The following PCDHA6 variants were observed in gnomAD, a reference collection of about 807,000 sequenced individuals.
PCDHA6 encodes the protein protocadherin alpha 6.
In PCDHA6, 55 loss-of-function variants were observed where a neutral mutation model predicts 60.3. The observed-to-expected ratio is 0.91, with a 90% CI of 0.73 to 1.14. The LOEUF (loss-of-function observed/expected upper bound fraction) is 1.14. Ranked by LOEUF, PCDHA6 falls within the 50% of genes most tolerant of loss-of-function variation. The probability of loss-of-function intolerance (pLI) is 0.00; values close to 1 mark genes in which losing one functional copy is unlikely to be tolerated. For synonymous variants in PCDHA6, 652 were observed against 557.9 expected (o/e 1.17, Z -2.38); for missense variants, 1,327 against 1,256.5 (o/e 1.06, Z -0.85).
intron 1 of PCDHA6, chr5:140,882,792 A>C (rs367665995): frequency 6.2e-7 from 1 of 1,614,144 alleles, no homozygotes; most frequent in Non-Finnish European, 8.5e-7. Flanking sequence ...CTGGATCCCA[A>C]CGATTATTTC....
At position 140,856,290 on chromosome 5, in the gene PCDHA6, G is replaced by A. The variant is rs143002904; in HGVS notation, c.2394+25805G>A. 7.5e-3 allele frequency: 12,003 copies of A among 1,598,482 alleles called. 1,113 individuals are homozygous for A. The highest frequency in any genetic ancestry group is 7.4e-3 in the Non-Finnish European group (8,655 of 1,168,072). On this transcript the variant is annotated intron_variant, in intron 1 of 3. Coordinates refer to ENST00000529310, the MANE Select transcript of PCDHA6 (RefSeq NM_018909.4). ...CTTCTGGAGGTAAATCTGCAGAATG[G>A]CATTTTGTTTGTGAATTCTCGGATT...
rs782194525 is a variant in PCDHA6 at position 140,927,807 on chromosome 5, C to T, written c.2395-51142C>T. The T allele has an allele frequency of 8.7e-6, 14 of 1,614,088 alleles. No homozygotes were observed. In the African/African-American group the frequency reaches 1.3e-4, roughly 15 times the overall value. Reference sequence around the variant, plus strand: ...CTTCACTAGGTCCGCCTGAAACGCTCTTGGAGGCATACATTGAGGCGAGGG... The same window carrying T: ...CTTCACTAGGTCCGCCTGAAACGCTTTTGGAGGCATACATTGAGGCGAGGG... On this transcript the variant is annotated intron_variant, in intron 1 of 3. Coordinates refer to ENST00000529310, the MANE Select transcript of PCDHA6 (RefSeq NM_018909.4).
At chr5:140,874,713 T>C (rs976044407) in intron 1 of PCDHA6, among the ~76,000 whole-genome samples, 2 of 152,248 alleles carry the variant, frequency 1.3e-5, no homozygotes, top group Non-Finnish European at 1.5e-5. Context: ...AGAGCAGTTA[T>C]GTGAAAAGTT....
At chr5:140,881,388 G>A (rs2058697659) in intron 1 of PCDHA6, 1 of 983,292 alleles carries the variant, frequency 1.0e-6, no homozygotes, top group Non-Finnish European at 1.2e-6. Context: ...GCGGCGGTAA[G>A]TTAAATTCTA....
At chr5:140,928,691 T>C (rs1554206164) in intron 1 of PCDHA6, 1 of 1,614,148 alleles carries the variant, frequency 6.2e-7, no homozygotes, top group East Asian at 2.2e-5. Context: ...TCCTACCACA[T>C]CTCCCGGGCG....
At position 141,009,800 on chromosome 5, in the gene PCDHA6, A is replaced by G. The variant is rs148436868; in HGVS notation, c.2716A>G (p.Ser906Gly). The stretch of plus-strand genomic sequence containing the variant: ...CTCCATCCGGCAGGAGCCTACTAAC[A>G]GCCAAATTGACAAAAGTGACTTCAT... ...IISIRQEPTN[S>G]QIDKSDFITF... The change falls in exon 4 of 4, where the codon AGC (serine) becomes GGC (glycine). Residue 906 changes from serine to glycine, a missense_variant. By Grantham distance (56) the Ser-to-Gly change is moderately conservative (BLOSUM62 0). Coordinates refer to ENST00000529310, the MANE Select transcript of PCDHA6 (RefSeq NM_018909.4). 1.2e-4 allele frequency: 190 copies of G among 1,614,158 alleles called. No individual in the cohort carries two copies. In the African/African-American group the frequency reaches 2.3e-3, roughly 19 times the overall value.
chr5:140,961,887 G>GTT (rs35680913), intron 1 of PCDHA6, among the ~76,000 whole-genome samples: 78 of 143,932 alleles, frequency 5.4e-4, no homozygotes, highest in African/African-American at 1.2e-3. Flanking sequence ...ACTTACATCA[G>GTT]TTTTTTTTTT....
chr5:140,828,526 T>C lies in PCDHA6; in HGVS notation c.435T>C (p.Ser145=). 2.5e-6 allele frequency: 4 copies of C among 1,614,226 alleles called. No individual in the cohort carries two copies. Among genetic ancestry groups the C allele is most frequent in the Non-Finnish European group, 3.4e-6 (4 of 1,180,022 alleles). ...VEEQRVLIYE[S]RLPDSVFPLE... is the part of the protein sequence containing the mutation. Reference sequence around the variant, plus strand: ...AACAAAGAGTGCTGATTTACGAATCTAGGCTGCCAGATTCTGTGTTTCCAC... The same window carrying C: ...AACAAAGAGTGCTGATTTACGAATCCAGGCTGCCAGATTCTGTGTTTCCAC... Residue 145 remains serine (S), a synonymous_variant, in exon 1 of 4, where the codon TCT becomes TCC. Transcript: ENST00000529310.
intron 1 of PCDHA6, among the ~76,000 whole-genome samples, chr5:140,954,551 T>C (rs2095055563): frequency 6.6e-6 from 1 of 152,250 alleles, no homozygotes; most frequent in South Asian, 2.1e-4. Context: ...ATATGTTTGT[T>C]GGCTGCATGA....
intron 1 of PCDHA6, among the ~76,000 whole-genome samples, chr5:140,946,591 A>C (rs972556402): frequency 5.0e-5 from 6 of 119,488 alleles, no homozygotes; most frequent in African/African-American, 2.1e-4. Context: ...ATAGTGGATG[A>C]ATAGATAAAG....
Position 140,829,369 on chromosome 5 carries a change from C to G in PCDHA6, c.1278C>G (p.Thr426=). The part of the protein sequence containing the change: ...ESVSAYELVV[T]ARDGGSPSLW... ...TGTCGGCCTATGAGTTGGTGGTAACCGCGCGGGACGGGGGCTCGCCTTCGC... is the reference window on the plus strand; with the variant it reads ...TGTCGGCCTATGAGTTGGTGGTAACGGCGCGGGACGGGGGCTCGCCTTCGC... Residue 426 remains threonine (T), a synonymous_variant, in exon 1 of 4, where the codon ACC becomes ACG. Transcript: ENST00000529310. 6.2e-7 allele frequency: 1 copy of G among 1,614,202 alleles called. No homozygotes were observed. Among genetic ancestry groups the G allele is most frequent in the Non-Finnish European group, 8.5e-7 (1 of 1,180,048 alleles).
At chr5:140,888,198 G>A (rs1031899783) in intron 1 of PCDHA6, among the ~76,000 whole-genome samples, 2 of 152,044 alleles carry the variant, frequency 1.3e-5, no homozygotes, top group Admixed American at 6.6e-5. Flanking sequence ...TTACATTGTC[G>A]GATGCTGGAT....
At chr5:140,898,597 G>C (rs1452719602) in intron 1 of PCDHA6, among the ~76,000 whole-genome samples, 12 of 152,188 alleles carry the variant, frequency 7.9e-5, no homozygotes, top group Admixed American at 1.3e-4. Context: ...CTGTAGCCTT[G>C]TAGTATAGTT....
chr5:140,829,547 G>A lies in PCDHA6; in HGVS notation c.1456G>A (p.Glu486Lys), dbSNP rs2150169792. The A allele has an allele frequency of 2.5e-6, 4 of 1,612,860 alleles. No individual in the cohort carries two copies. Among genetic ancestry groups the A allele is most frequent in the African/African-American group, 1.3e-5 (1 of 74,914 alleles). Residue 486 changes from glutamate (E) to lysine (K), a missense_variant, in exon 1 of 4, where the codon GAG becomes AAG. By Grantham distance (56) the Glu-to-Lys change is moderately conservative (BLOSUM62 1). Coordinates refer to ENST00000529310, the MANE Select transcript of PCDHA6 (RefSeq NM_018909.4). ...GTCTGCGCGAGACGCGGACGCGCAG[G>A]AGAACGCGCTGGTGTCCTACTCGCT... Reference protein sequence around the residue: ...TVSARDADAQENALVSYSLVE... With the variant: ...TVSARDADAQKNALVSYSLVE...
At position 140,851,351 on chromosome 5, in the gene PCDHA6, G is replaced by A. The variant is rs2042034892; in HGVS notation, c.2394+20866G>A. ...GTAGTTCTCTACATTTCTCTGGATG[G>A]AGACTGTGAACATCTGATTGTTCAG... is the stretch of plus-strand genomic sequence containing the variant. On this transcript the variant is annotated intron_variant, in intron 1 of 3. Coordinates refer to ENST00000529310, the MANE Select transcript of PCDHA6 (RefSeq NM_018909.4). The A allele has an allele frequency of 7.2e-6, 7 of 975,904 alleles. 1 individual carries two copies. Among genetic ancestry groups the A allele is most frequent in the Non-Finnish European group, 8.7e-6 (7 of 803,048 alleles). The allele number at this position is 975,904 out of a possible 1,614,324, so 60.5% of individuals were successfully genotyped here. A position where few individuals can be genotyped will look rare whatever the true frequency, so the allele number is the denominator to read the frequency against.
intron 3 of PCDHA6, among the ~76,000 whole-genome samples, chr5:141,003,475 G>A (rs934289848): frequency 2.0e-5 from 3 of 151,932 alleles, no homozygotes; most frequent in Non-Finnish European, 2.9e-5. Flanking sequence ...CCACAGTCTC[G>A]CTAATTTTTA....
chr5:140,841,707 AC>A (rs2150321294), intron 1 of PCDHA6: 1 of 1,613,698 alleles, frequency 6.2e-7, no homozygotes. Flanking sequence ...GTTAATGACA[AC>A]CCGCCAGTGT....
chr5:140,920,530 G>T (rs2079676121), intron 1 of PCDHA6, among the ~76,000 whole-genome samples: 1 of 152,148 alleles, frequency 6.6e-6, no homozygotes, highest in African/African-American at 2.4e-5. Context: ...GTTAGACTCA[G>T]GTTTTCTATT....
intron 3 of PCDHA6, among the ~76,000 whole-genome samples, chr5:140,983,479 G>A (rs1297150913): frequency 1.3e-5 from 2 of 152,194 alleles, no homozygotes; most frequent in Non-Finnish European, 2.9e-5. Context: ...GATAATAGTA[G>A]TTACTAATTA....
Sources: gnomAD v4.1 joint callset for allele counts (sites outside exome capture counted in the v4.1 genomes callset) on GRCh38, gnomAD v4.1.1 for gene constraint, MANE v1.5 for transcripts, NCBI Gene and HGNC (gene_info 2026-07-23, HGNC 2026-07-21) for gene names.